Variants in LZTFL1 observed in about 807,000 individuals in gnomAD.
The protein encoded by LZTFL1 is leucine zipper transcription factor-like protein 1.
In LZTFL1, 25 loss-of-function variants were observed where a neutral mutation model predicts 45.9. The ratio of observed to expected loss-of-function variants is 0.54; its 90% CI spans 0.40 to 0.76. The LOEUF (loss-of-function observed/expected upper bound fraction) is 0.76. Among genes scored for constraint, LZTFL1 ranks in the 30% least tolerant of loss-of-function variants. LZTFL1 has a pLI of 0.00. For synonymous variants in LZTFL1, 93 were observed against 117.4 expected (o/e 0.79, Z 1.35); for missense variants, 277 against 331.1 (o/e 0.84, Z 1.27).
chr3:45,872,516 A>G (rs139250869), intron 2 of LZTFL1, among the ~76,000 whole-genome samples: 4 of 152,258 alleles, frequency 2.6e-5, no homozygotes, highest in African/African-American at 9.6e-5. Context: ...CAGGAATAGA[A>G]CAGGGGATGG....
intron 2 of LZTFL1, among the ~76,000 whole-genome samples, chr3:45,885,560 C>T (rs757534244): frequency 1.7e-4 from 26 of 152,188 alleles, no homozygotes; most frequent in Non-Finnish European, 1.8e-4. Context: ...TTCCTAGCTA[C>T]ATCTCACAGG....
intron 7 of LZTFL1, 114 bp downstream of exon 7, chr3:45,830,799 G>T: frequency 1.2e-6 from 1 of 861,496 alleles, no homozygotes; most frequent in Non-Finnish European, 1.8e-6. Context: ...AGAGGCATTT[G>T]TCTCAGGGAG....
chr3:45,913,176 G>C (rs1187961125), exon 2 of LZTFL1: 1 of 1,533,058 alleles, frequency 6.5e-7, no homozygotes, highest in Admixed American at 2.0e-5. Flanking sequence ...TACAGCAAGA[G>C]CCTAGAAAAT....
chr3:45,885,691 C>A (rs1396666131), intron 2 of LZTFL1, among the ~76,000 whole-genome samples: 1 of 152,206 alleles, frequency 6.6e-6, no homozygotes, highest in Non-Finnish European at 1.5e-5. Flanking sequence ...TTGAAATGTA[C>A]CTGGCATGAC....
rs112189769 is a variant in LZTFL1, at chr3:45,877,275, C to T, written c.-214-18259G>A. Among the ~76,000 whole-genome samples the T allele has an allele frequency of 8.6e-3, 1,292 of 149,988 alleles. 18 individuals carry two copies. Among genetic ancestry groups the T allele is most frequent in the African/African-American group, 0.03 (1,225 of 40,460 alleles). Reference sequence around the variant, plus strand: ...GGAGACAGAGTTTTGCTCTTGTTGCCCAGGCTGGAGTGCAATGGTGCCAGC... The same window carrying T: ...GGAGACAGAGTTTTGCTCTTGTTGCTCAGGCTGGAGTGCAATGGTGCCAGC... On this transcript the variant is annotated intron_variant, in intron 2 of 4. Transcript: ENST00000472635.
intron 2 of LZTFL1, among the ~76,000 whole-genome samples, chr3:45,865,775 C>T (rs1701569240): frequency 6.6e-6 from 1 of 152,060 alleles, no homozygotes; most frequent in Admixed American, 6.5e-5. Flanking sequence ...ATCATATGAC[C>T]CAGCCATTTC....
At chr3:45,876,441 G>C (rs910623563) in intron 2 of LZTFL1, among the ~76,000 whole-genome samples, 3 of 152,184 alleles carry the variant, frequency 2.0e-5, no homozygotes, top group African/African-American at 7.2e-5. Flanking sequence ...CTAGGGAATA[G>C]CTATTAGTGT....
At chr3:45,855,003 C>G (rs1244898414) in exon 4 of LZTFL1, 1 of 1,534,640 alleles carries the variant, frequency 6.5e-7, no homozygotes, top group South Asian at 1.2e-5. Context: ...TCTCCTGGAA[C>G]TTAGCCCAGC....
At chr3:45,899,330 T>C (rs1702471321) in intron 2 of LZTFL1, among the ~76,000 whole-genome samples, 1 of 152,216 alleles carries the variant, frequency 6.6e-6, no homozygotes, top group Non-Finnish European at 1.5e-5. Flanking sequence ...GCTAGACAGA[T>C]CTACTAGAAA....
intron 2 of LZTFL1, among the ~76,000 whole-genome samples, chr3:45,908,993 A>T (rs980311677): frequency 3.3e-5 from 5 of 152,130 alleles, no homozygotes; most frequent in African/African-American, 1.2e-4. Flanking sequence ...GCCAACTGTC[A>T]TATCAGTGGC....
At chr3:45,893,038 C>T (rs1477729626) in intron 2 of LZTFL1, among the ~76,000 whole-genome samples, 2 of 152,204 alleles carry the variant, frequency 1.3e-5, no homozygotes, top group Non-Finnish European at 2.9e-5. Flanking sequence ...GACGTACATA[C>T]ACCCTTGCGA....
intron 2 of LZTFL1, among the ~76,000 whole-genome samples, chr3:45,893,677 T>C (rs555182709): frequency 2.6e-4 from 40 of 152,346 alleles, no homozygotes; most frequent in Non-Finnish European, 5.3e-4. Context: ...ACAGTTAACT[T>C]ATCCATTTAC....
intron 2 of LZTFL1, among the ~76,000 whole-genome samples, chr3:45,876,736 A>G (rs1324802977): frequency 1.3e-5 from 2 of 152,186 alleles, no homozygotes; most frequent in African/African-American, 2.4e-5. Context: ...TTGACACCAA[A>G]GCCTGTGATC....
intron 3 of LZTFL1, chr3:45,855,143 C>G: frequency 1.1e-6 from 1 of 902,096 alleles, no homozygotes; most frequent in South Asian, 1.5e-5. Context: ...ATATGATGAA[C>G]ATCAATGCAA....
intron 4 of LZTFL1, among the ~76,000 whole-genome samples, chr3:45,848,464 C>G (rs952599352): frequency 4.6e-5 from 7 of 152,210 alleles, no homozygotes; most frequent in Non-Finnish European, 1.0e-4. Context: ...TTGCGCTACA[C>G]ACAAAATATG....
chr3:45,863,429 G>A (rs1701525372), intron 2 of LZTFL1, among the ~76,000 whole-genome samples: 1 of 152,158 alleles, frequency 6.6e-6, no homozygotes, highest in Non-Finnish European at 1.5e-5. Context: ...TCTGTATGGT[G>A]CCAAAATAAC....
At position 45,828,434 on chromosome 3, in the gene LZTFL1, C is replaced by G; in HGVS notation, c.777+5G>C. 1.2e-6 allele frequency: 2 copies of G among 1,613,050 alleles called. No individual in the cohort carries two copies. Among genetic ancestry groups the G allele is most frequent in the Non-Finnish European group, 1.7e-6 (2 of 1,179,590 alleles). ...AGACAAATCCCTTAAACATGGTCTT[C>G]TGACCTTTTCAGCCATGTGCAGCTG... On this transcript the variant is annotated splice_donor_5th_base_variant and intron_variant, in intron 8 of 9. Transcript: ENST00000296135.
chr3:45,886,202 C>T (rs544559350), intron 2 of LZTFL1, among the ~76,000 whole-genome samples: 38 of 152,120 alleles, frequency 2.5e-4, no homozygotes, highest in African/African-American at 9.2e-4. Context: ...GGTGACACCA[C>T]CTAAAGAAAT....
intron 4 of LZTFL1, chr3:45,854,964 T>G: frequency 2.7e-6 from 4 of 1,487,406 alleles, no homozygotes; most frequent in Non-Finnish European, 3.6e-6. Context: ...TTATAATATG[T>G]CAGATGCGCT....
Sources: allele counts gnomAD v4.1 joint callset (sites outside exome capture counted in the v4.1 genomes callset), GRCh38; gene constraint gnomAD v4.1.1; transcripts MANE v1.5; gene names NCBI Gene and HGNC (gene_info 2026-07-23, HGNC 2026-07-21).